TBC1D22B: variants seen among roughly 807,000 people sequenced by gnomAD.
TBC1D22B encodes the protein TBC1 domain family member 22B.
In TBC1D22B, 32 loss-of-function variants were observed where a neutral mutation model predicts 69.1. The observed-to-expected ratio is 0.46, with a 90% CI of 0.35 to 0.62. The LOEUF is 0.62. TBC1D22B is among the 20% of genes least tolerant of loss of function. TBC1D22B has a pLI of 0.00. For synonymous variants in TBC1D22B, 206 were observed against 229.8 expected, an observed-to-expected ratio of 0.90 and a Z score of 0.94; for missense variants, 462 against 630.9, an observed-to-expected ratio of 0.73 and a Z score of 2.87.
intron 1 of TBC1D22B, among the ~76,000 whole-genome samples, chr6:37,266,424 T>C (rs984582414): frequency 5.3e-5 from 8 of 152,192 alleles, no homozygotes; most frequent in African/African-American, 1.7e-4. Flanking sequence ...TCAATTAATG[T>C]CTGAGTTTAT....
chr6:37,329,948 A>G (rs1002143027), intron 12 of TBC1D22B, among the ~76,000 whole-genome samples: 1 of 151,824 alleles, frequency 6.6e-6, no homozygotes, highest in African/African-American at 2.4e-5. Flanking sequence ...CTACACTTCT[A>G]GTACTAAAGG....
chr6:37,310,423 C>CT (rs1454967846), intron 8 of TBC1D22B, among the ~76,000 whole-genome samples: 2 of 152,098 alleles, frequency 1.3e-5, no homozygotes, highest in Non-Finnish European at 2.9e-5. Flanking sequence ...AATCCTACCA[C>CT]TTTGAGAGGC....
Position 37,313,024 on chromosome 6 carries a change from G to T in TBC1D22B, c.1089G>T (p.Gln363His), listed in dbSNP as rs1449593388. Residue 363 changes from glutamine to histidine, a missense_variant and splice_region_variant, in exon 9 of 13, where the codon CAG becomes CAT. Physicochemically the swap from Gln to His is conservative, Grantham distance 24. This residue lies in a region of TBC1D22B where 225 missense variants were observed against 375.4 expected (regional missense o/e 0.60). Coordinates refer to ENST00000373491, the MANE Select transcript of TBC1D22B (RefSeq NM_017772.4). The stretch of plus-strand genomic sequence containing the variant: ...TGAGCAAGCTGCTGGATGGAATCCA[G>T]GTGAGCTGCTTCTGCCCTTGTGGGA... ...WCMSKLLDGI[Q>H]DNYTFAQPGI... 1 of 1,613,308 alleles carries T rather than the reference G, an allele frequency of 6.2e-7. No individual in the cohort carries two copies. The highest frequency in any genetic ancestry group is 8.5e-7 in the Non-Finnish European group (1 of 1,179,342).
chr6:37,323,723 G>A (rs754799809), intron 12 of TBC1D22B, among the ~76,000 whole-genome samples: 2 of 152,242 alleles, frequency 1.3e-5, no homozygotes, highest in Non-Finnish European at 2.9e-5. Context: ...ACAGGGGTGC[G>A]ATTGTGGAAC....
At chr6:37,263,646 C>G (rs568873175) in intron 1 of TBC1D22B, among the ~76,000 whole-genome samples, 2 of 152,140 alleles carry the variant, frequency 1.3e-5, no homozygotes, top group African/African-American at 2.4e-5. Context: ...TGCAGTGGCC[C>G]GATCTCCGCT....
intron 8 of TBC1D22B, among the ~76,000 whole-genome samples, chr6:37,296,565 G>A (rs1008768076): frequency 2.0e-5 from 3 of 151,918 alleles, no homozygotes; most frequent in East Asian, 1.9e-4. Flanking sequence ...GCCGAGGCTC[G>A]TCTTGAACCC....
chr6:37,304,737 C>T (rs1354587161), intron 8 of TBC1D22B, among the ~76,000 whole-genome samples: 1 of 152,054 alleles, frequency 6.6e-6, no homozygotes, highest in African/African-American at 2.4e-5. Flanking sequence ...TGTCAAGACT[C>T]ATAGAACTGT....
chr6:37,315,511 C>T (rs994854372), intron 10 of TBC1D22B, among the ~76,000 whole-genome samples: 8 of 151,992 alleles, frequency 5.3e-5, no homozygotes, highest in African/African-American at 1.4e-4. Context: ...GAGCCAAGAT[C>T]GCACCACTGT....
chr6:37,306,301 G>A (rs1338721091), intron 8 of TBC1D22B, among the ~76,000 whole-genome samples: 3 of 152,188 alleles, frequency 2.0e-5, no homozygotes, highest in African/African-American at 2.4e-5. Flanking sequence ...GTGAGAAATC[G>A]TAACAGAGGA....
At chr6:37,305,782 A>G (rs1445909106) in intron 8 of TBC1D22B, among the ~76,000 whole-genome samples, 1 of 152,162 alleles carries the variant, frequency 6.6e-6, no homozygotes, top group Non-Finnish European at 1.5e-5. Flanking sequence ...GGCCTCCCAA[A>G]GTGCTAGGAT....
At chr6:37,310,587 G>T (rs1212408812) in intron 8 of TBC1D22B, among the ~76,000 whole-genome samples, 1 of 152,202 alleles carries the variant, frequency 6.6e-6, no homozygotes, top group African/African-American at 2.4e-5. Context: ...AGAATTGCTT[G>T]AACCTGGAAG....
chr6:37,326,376 CA>C (rs10651731), intron 12 of TBC1D22B, among the ~76,000 whole-genome samples: 1,971 of 115,872 alleles, frequency 0.017, 39 homozygotes, highest in African/African-American at 0.057. Context: ...GACTGCGCCT[CA>C]AAAAAAAAAA....
intron 8 of TBC1D22B, among the ~76,000 whole-genome samples, chr6:37,299,864 C>T (rs1187612495): frequency 6.6e-6 from 1 of 152,006 alleles, no homozygotes; most frequent in Non-Finnish European, 1.5e-5. Context: ...CACAAATTAG[C>T]CGGGCATGGT....
At chr6:37,288,068 C>G (rs1229735030) in intron 7 of TBC1D22B, among the ~76,000 whole-genome samples, 1 of 152,160 alleles carries the variant, frequency 6.6e-6, no homozygotes, top group African/African-American at 2.4e-5. Flanking sequence ...TTTAACGGAA[C>G]TTTCAGTTCT....
chr6:37,257,773 C>T lies in TBC1D22B; in HGVS notation c.-145C>T. 1 of 855,430 alleles carries T rather than the reference C, an allele frequency of 1.2e-6. No homozygotes were observed. The highest frequency in any genetic ancestry group is 1.8e-6 in the Non-Finnish European group (1 of 546,850). The allele number at this position is 855,430 out of a possible 1,614,324, so 53.0% of individuals were successfully genotyped here. ...GCGGTGCTGGGTGGAGGGGTGCCCA[C>T]ATCCAAGATGGCGTCCCCAGGAGCT... On this transcript the variant is annotated 5_prime_UTR_variant, in exon 1 of 13. Coordinates refer to ENST00000373491, the MANE Select transcript of TBC1D22B (RefSeq NM_017772.4).
chr6:37,286,403 C>T (rs960940696), intron 6 of TBC1D22B, among the ~76,000 whole-genome samples: 1 of 151,744 alleles, frequency 6.6e-6, no homozygotes, highest in Non-Finnish European at 1.5e-5. Flanking sequence ...GCAAGCTCCA[C>T]CTCCCGGGTT....
intron 1 of TBC1D22B, among the ~76,000 whole-genome samples, chr6:37,268,306 CA>C (rs1417371794): frequency 6.6e-6 from 1 of 152,054 alleles, no homozygotes; most frequent in East Asian, 1.9e-4. Flanking sequence ...GTGCTCACTG[CA>C]GCCTGGACCC....
chr6:37,322,600 T>C (rs1768283383), intron 12 of TBC1D22B, among the ~76,000 whole-genome samples: 1 of 152,248 alleles, frequency 6.6e-6, no homozygotes, highest in Non-Finnish European at 1.5e-5. Context: ...AGAGACCTGC[T>C]ATCCCCATAG....
chr6:37,331,481 C>A lies in TBC1D22B; in HGVS notation c.*309C>A. 1 of 253,308 alleles carries A rather than the reference C, an allele frequency of 3.9e-6. No individual in the cohort carries two copies. The highest frequency in any genetic ancestry group is 7.6e-6 in the Non-Finnish European group (1 of 130,952). 15.7% of individuals were successfully genotyped at this position (253,308 alleles called of 1,614,324 possible). A position where few individuals can be genotyped will look rare whatever the true frequency, so the allele number is the denominator to read the frequency against. ...AAGGGGAAGGCTCAGGGTCTCACCT[C>A]ACATTGTCCCTACAAGGACAGGCCC... On this transcript the variant is annotated 3_prime_UTR_variant, in exon 13 of 13. Coordinates refer to ENST00000373491, the MANE Select transcript of TBC1D22B (RefSeq NM_017772.4).
Sources: allele counts gnomAD v4.1 joint callset (sites outside exome capture counted in the v4.1 genomes callset), GRCh38; gene constraint gnomAD v4.1.1; regional missense constraint gnomAD v4.1.1; transcripts MANE v1.5; gene names NCBI Gene and HGNC (gene_info 2026-07-23, HGNC 2026-07-21).